SLC30A10: variants seen among roughly 807,000 people sequenced by gnomAD.
The protein encoded by SLC30A10 is calcium/manganese antiporter SLC30A10.
SLC30A10 carries 8 observed loss-of-function variants against 21.7 expected under a neutral mutation model. The ratio of observed to expected loss-of-function variants is 0.37; its 90% CI spans 0.22 to 0.67. The LOEUF is 0.67. SLC30A10 is among the 30% of genes least tolerant of loss of function. The pLI is 0.58. For synonymous variants in SLC30A10, 272 were observed against 279.4 expected, an observed-to-expected ratio of 0.97 and a Z score of 0.26; for missense variants, 521 against 642.5, an observed-to-expected ratio of 0.81 and a Z score of 2.04.
In SLC30A10 at chr1:219,915,689, G is replaced by C; in HGVS notation, c.1218C>G (p.Ser406=). The C allele has an allele frequency of 6.2e-7, 1 of 1,614,234 alleles. No homozygotes were observed. The highest frequency in any genetic ancestry group is 8.5e-7 in the Non-Finnish European group (1 of 1,180,040). The change falls in exon 4 of 4, where the codon TCC becomes TCG. Residue 406 remains serine (S), a synonymous_variant. Coordinates refer to ENST00000366926, the MANE Select transcript of SLC30A10 (RefSeq NM_018713.3). ...AACACAGCTGCTTAGCACAGCCCTT[G>C]GAGATGCAGGGTGAGTTGCAGAGCA... The part of the protein sequence containing the change: ...LLLLCNSPCI[S]KGCAKQLCCP...
Position 219,927,902 on chromosome 1 carries a change from G to C in SLC30A10, c.539C>G (p.Ala180Gly). The change falls in exon 1 of 4, where the codon GCG (alanine) becomes GGG (glycine). Residue 180 changes from alanine to glycine, a missense_variant. Transcript: ENST00000366926. ...GTCCGAGCCTGGGGCTGTCGGGTCC[G>C]CCGCGCGCCGCGGGTCCTCCGCGCC... ...PQGAEDPRRA[A>G]DPTAPGSDSA... is the part of the protein sequence containing the mutation. 4 of 1,538,256 alleles carry C rather than the reference G, an allele frequency of 2.6e-6. No individual in the cohort carries two copies. The highest frequency in any genetic ancestry group is 2.6e-6 in the Non-Finnish European group (3 of 1,142,382).
chr1:219,941,227 A>G (rs911177878), intron 1 of SLC30A10, among the ~76,000 whole-genome samples: 2 of 152,222 alleles, frequency 1.3e-5, no homozygotes. Context: ...GTGGAAAGAT[A>G]ATGTTTGGAG....
At chr1:219,953,649 T>C (rs1175825357) in intron 1 of SLC30A10, among the ~76,000 whole-genome samples, 1 of 150,530 alleles carries the variant, frequency 6.6e-6, no homozygotes, top group East Asian at 1.9e-4. Flanking sequence ...TACCTTCAAT[T>C]ATGCAGCTTC....
Position 219,915,437 on chromosome 1 carries a change from G to A in SLC30A10, c.*12C>T. 3 of 1,608,538 alleles carry A rather than the reference G, an allele frequency of 1.9e-6. No individual in the cohort carries two copies. The highest frequency in any genetic ancestry group is 2.5e-6 in the Non-Finnish European group (3 of 1,177,260). On this transcript the variant is annotated 3_prime_UTR_variant, in exon 4 of 4. Coordinates refer to ENST00000366926, the MANE Select transcript of SLC30A10 (RefSeq NM_018713.3). Reference sequence around the variant, plus strand: ...TGCCTCGTCTATATGGTCTGATTATGTGAGTACCAGATTAAAAATGCGTTC... The same window carrying A: ...TGCCTCGTCTATATGGTCTGATTATATGAGTACCAGATTAAAAATGCGTTC...
chr1:219,926,885 AAG>A (rs1659838816), intron 2 of SLC30A10, 141 bp downstream of exon 2: 1 of 638,960 alleles, frequency 1.6e-6, no homozygotes, highest in African/African-American at 1.8e-5. Flanking sequence ...GTGATTACGA[AAG>A]AGAGTTGGGT....
At chr1:219,922,178 T>G (rs1776051) in intron 2 of SLC30A10, among the ~76,000 whole-genome samples, 17,082 of 36,382 alleles carry the variant, frequency 0.47, 1,658 homozygotes, top group East Asian at 0.53. Context: ...GTGTGTGTGT[T>G]TTTTTTTTTT....
chr1:219,931,125 A>G (rs1343950875), upstream of SLC30A10, among the ~76,000 whole-genome samples: 1 of 152,274 alleles, frequency 6.6e-6, no homozygotes, highest in Non-Finnish European at 1.5e-5. Flanking sequence ...TTGACAAACT[A>G]AAGCATTCCT....
chr1:219,920,658 T>C (rs1776050), intron 2 of SLC30A10, among the ~76,000 whole-genome samples: 132,505 of 152,194 alleles, frequency 0.87, 58,071 homozygotes, highest in African/African-American at 0.97. Flanking sequence ...ATGCTCCAGG[T>C]ATTGATTTAA....
rs182947878 is a variant in SLC30A10 at position 219,944,596 on chromosome 1, A to G, written n.80+13972T>C. 1.5e-4 allele frequency among the ~76,000 whole-genome samples: 23 copies of G among 152,338 alleles called. No individual in the cohort carries two copies. The East Asian group carries it at 3.9e-3, about 26-fold the overall frequency. On this transcript the variant is annotated intron_variant and non_coding_transcript_variant, in intron 1 of 8. Coordinates refer to the SLC30A10 transcript ENST00000484239. ...CTCAGGGACCTGTGTAACTATAACA[A>G]TTATAAATAGGAAAAGATAAAGGGA... is the stretch of plus-strand genomic sequence containing the variant.
intron 1 of SLC30A10, among the ~76,000 whole-genome samples, chr1:219,940,303 C>A (rs935833661): frequency 6.6e-5 from 10 of 152,146 alleles, no homozygotes; most frequent in African/African-American, 2.4e-4. Flanking sequence ...CCTTCCAGCC[C>A]GGATGCCAGA....
chr1:219,929,009 T>G (rs1275239989), upstream of SLC30A10, among the ~76,000 whole-genome samples: 1 of 152,346 alleles, frequency 6.6e-6, no homozygotes, highest in East Asian at 1.9e-4. Flanking sequence ...ATTAATCAGG[T>G]GCAAGGCCCC....
intron 2 of SLC30A10, among the ~76,000 whole-genome samples, chr1:219,925,652 T>TATA (rs1491117690): frequency 2.4e-4 from 9 of 38,214 alleles, no homozygotes; most frequent in South Asian, 1.3e-3. Context: ...TATATATATA[T>TATA]TTTTTTTTTT....
chr1:219,915,663 C>CAACACAGCTGCTT lies in SLC30A10; in HGVS notation c.1231_1243dup (p.Cys415Ter). On this transcript the variant is annotated stop_gained and frameshift_variant, in exon 4 of 4. Transcript: ENST00000366926. LOFTEE classifies it low-confidence loss of function (END_TRUNC). ...AGCCAGAGGCAGTGCCCCGGGGGGA[C>CAACACAGCTGCTT]AACACAGCTGCTTAGCACAGCCCTT... is the stretch of plus-strand genomic sequence containing the variant. 1 of 1,614,214 alleles carries CAACACAGCTGCTT rather than the reference C, an allele frequency of 6.2e-7. No homozygotes were observed. The highest frequency in any genetic ancestry group is 8.5e-7 in the Non-Finnish European group (1 of 1,180,048).
chr1:219,925,651 A>ATATATATATATATATTTTT (rs1317554458), intron 2 of SLC30A10, among the ~76,000 whole-genome samples: 2 of 48,280 alleles, frequency 4.1e-5, no homozygotes, highest in African/African-American at 1.2e-4. Context: ...ATATATATAT[A>ATATATATATATATATTTTT]TTTTTTTTTT....
chr1:219,951,993 C>T (rs890274352), intron 1 of SLC30A10, among the ~76,000 whole-genome samples: 3 of 152,102 alleles, frequency 2.0e-5, no homozygotes, highest in East Asian at 1.9e-4. Context: ...ATGTTTTGTA[C>T]GGTTTGTAGA....
chr1:219,910,798 C>G lies in SLC30A10; in HGVS notation c.*4651G>C, dbSNP rs575135970. The stretch of plus-strand genomic sequence containing the variant: ...GTACTAAGAGGTGACAGTTGATCAT[C>G]TAGCAAACATTCAAGAAAGTTCCAT... On this transcript the variant is annotated 3_prime_UTR_variant, in exon 4 of 4. Transcript: ENST00000366926. Among the ~76,000 whole-genome samples the G allele has an allele frequency of 5.6e-4, 85 of 152,292 alleles. No homozygotes were observed. Among genetic ancestry groups the G allele is most frequent in the Non-Finnish European group, 1.2e-3 (80 of 68,030 alleles).
rs1421740272 is a variant in SLC30A10 at position 219,928,142 on chromosome 1, G to C, written c.299C>G (p.Ala100Gly). Residue 100 changes from alanine (A) to glycine (G), a missense_variant, in exon 1 of 4, where the codon GCC becomes GGC. Physicochemically the swap from Ala to Gly is moderately conservative, Grantham distance 60. Coordinates refer to ENST00000366926, the MANE Select transcript of SLC30A10 (RefSeq NM_018713.3). This position sits in a 1 kb window ranked among gnomAD's most constrained non-coding sequence, Gnocchi z 6.3. ...CTCGGGCCGGGCCAGGCGCAGCACG[G>C]CCTCCACGAAGATGGTGAAGCAGAG... ...TALCFTIFVE[A>G]VLRLARPERI... 6.4e-7 allele frequency: 1 copy of C among 1,562,790 alleles called. No homozygotes were observed. Among genetic ancestry groups the C allele is most frequent in the Admixed American group, 1.9e-5 (1 of 52,410 alleles).
At chr1:219,936,570 C>G (rs564238281) in intron 1 of SLC30A10, among the ~76,000 whole-genome samples, 1 of 152,246 alleles carries the variant, frequency 6.6e-6, no homozygotes, top group Non-Finnish European at 1.5e-5. Flanking sequence ...GCACTTGACC[C>G]AAGATGGGCC....
Position 219,928,115 on chromosome 1 carries a change from C to T in SLC30A10, c.326G>A (p.Arg109His), listed in dbSNP as rs781363242. The T allele has an allele frequency of 6.4e-7, 1 of 1,570,962 alleles. No individual in the cohort carries two copies. Among genetic ancestry groups the T allele is most frequent in the Non-Finnish European group, 8.6e-7 (1 of 1,159,084 alleles). ...GAGCACCAGCTCGGGGTCATCGATG[C>T]GCTCGGGCCGGGCCAGGCGCAGCAC... ...EAVLRLARPE[R>H]IDDPELVLIV... is the part of the protein sequence containing the mutation. Residue 109 changes from arginine to histidine, a missense_variant, in exon 1 of 4, where the codon CGC becomes CAC. Arg to His is a conservative substitution (Grantham distance 29). Transcript: ENST00000366926. This position sits in a 1 kb window ranked among gnomAD's most constrained non-coding sequence, Gnocchi z 6.3.
Sources: allele counts gnomAD v4.1 joint callset (sites outside exome capture counted in the v4.1 genomes callset), GRCh38; gene constraint gnomAD v4.1.1; non-coding constraint Gnocchi (gnomAD v3.1); transcripts MANE v1.5; gene names NCBI Gene and HGNC (gene_info 2026-07-23, HGNC 2026-07-21).